CALN1: variants seen among roughly 807,000 people sequenced by gnomAD.
CALN1 encodes the protein calneuron 1, also known as calcium-binding protein 8.
In CALN1, 17 loss-of-function variants were observed where a neutral mutation model predicts 30.6. The observed-to-expected ratio is 0.56, with a 90% CI of 0.38 to 0.83. The LOEUF (loss-of-function observed/expected upper bound fraction) is 0.83, where lower values mean the gene tolerates loss of function less well. Ranked by LOEUF, CALN1 falls within the 40% of genes least tolerant of loss-of-function variation. CALN1 has a pLI of 0.00. For missense variants in CALN1, 291 were observed against 354.9 expected, an observed-to-expected ratio of 0.82 and a Z score of 1.45; for synonymous variants, 156 against 131.4, an observed-to-expected ratio of 1.19 and a Z score of -1.28.
chr7:72,388,991 G>A (rs931847952), intron 2 of CALN1, among the ~76,000 whole-genome samples: 14 of 152,158 alleles, frequency 9.2e-5, no homozygotes, highest in Non-Finnish European at 1.3e-4. Flanking sequence ...TGGACCAGCA[G>A]GCCACGTCCA....
intron 6 of CALN1, among the ~76,000 whole-genome samples, chr7:71,795,068 G>A (rs2115954639): frequency 6.6e-6 from 1 of 151,934 alleles, no homozygotes; most frequent in Non-Finnish European, 1.5e-5. Flanking sequence ...CTGTTGCCAG[G>A]CTGGAGTGCA....
chr7:72,167,638 C>A (rs368423514), intron 3 of CALN1, among the ~76,000 whole-genome samples: 41 of 152,318 alleles, frequency 2.7e-4, no homozygotes, highest in African/African-American at 8.9e-4. Context: ...AGCCACCGTG[C>A]GCAGCTACAT....
intron 2 of CALN1, among the ~76,000 whole-genome samples, chr7:72,361,195 C>T (rs1803547434): frequency 6.6e-6 from 1 of 152,024 alleles, no homozygotes; most frequent in African/African-American, 2.4e-5. Context: ...TCCAAATATC[C>T]CCAACTCTCC....
chr7:71,894,260 A>C (rs570405560), intron 5 of CALN1, among the ~76,000 whole-genome samples: 3 of 152,218 alleles, frequency 2.0e-5, no homozygotes, highest in South Asian at 4.2e-4. Context: ...CTGTGTTTTA[A>C]TATCCCATTG....
chr7:72,310,838 G>A (rs1166339095), intron 2 of CALN1, among the ~76,000 whole-genome samples: 1 of 149,858 alleles, frequency 6.7e-6, no homozygotes, highest in East Asian at 2.0e-4. Flanking sequence ...GGGAGGTGGA[G>A]GTTGCAGTGA....
intron 5 of CALN1, among the ~76,000 whole-genome samples, chr7:71,944,364 G>A (rs1485617061): frequency 1.3e-5 from 2 of 152,122 alleles, no homozygotes; most frequent in African/African-American, 2.4e-5. Context: ...GGAGGCTGAG[G>A]TGGGTGGATC....
chr7:72,120,619 G>A (rs1808310199), intron 3 of CALN1, among the ~76,000 whole-genome samples: 2 of 152,090 alleles, frequency 1.3e-5, no homozygotes. Context: ...ACATTGCCAA[G>A]TTGCCCTCAA....
chr7:72,482,588 T>C, the CALN1 span, among the ~76,000 whole-genome samples: 671 of 152,274 alleles, frequency 4.4e-3, 4 homozygotes, highest in African/African-American at 0.014. Context: ...AATGATACTA[T>C]ACCACTTGAC....
At chr7:71,991,399 C>A (rs1213904084) in intron 5 of CALN1, among the ~76,000 whole-genome samples, 1 of 151,342 alleles carries the variant, frequency 6.6e-6, no homozygotes, top group Non-Finnish European at 1.5e-5. Flanking sequence ...GCAGAGCTTT[C>A]GATGAGCTAA....
chr7:71,865,992 A>C (rs1373779559), intron 5 of CALN1, among the ~76,000 whole-genome samples: 1 of 152,058 alleles, frequency 6.6e-6, no homozygotes, highest in Non-Finnish European at 1.5e-5. Context: ...AAAATTGTTA[A>C]ATACAAGGCA....
intron 3 of CALN1, among the ~76,000 whole-genome samples, chr7:72,229,781 G>A (rs1344850861): frequency 1.3e-5 from 2 of 151,916 alleles, no homozygotes; most frequent in Admixed American, 1.3e-4. Context: ...GGGGCCTGTC[G>A]GAGGGTGGGG....
intron 5 of CALN1, among the ~76,000 whole-genome samples, chr7:71,866,099 G>A (rs1172427532): frequency 2.6e-5 from 4 of 151,792 alleles, no homozygotes; most frequent in Admixed American, 6.6e-5. Context: ...TCTGCCTCCC[G>A]GGTTCATGCC....
chr7:72,387,202 GAGGGAGGGAAGGA>G (rs1805260951), intron 2 of CALN1, among the ~76,000 whole-genome samples: 2 of 125,586 alleles, frequency 1.6e-5, no homozygotes, highest in Non-Finnish European at 3.4e-5. Context: ...GGGAGGGAGG[GAGGGAGGGAAGGA>G]AGGAAGGGAA....
chr7:72,171,953 T>C (rs1241026737), intron 3 of CALN1, among the ~76,000 whole-genome samples: 7 of 152,192 alleles, frequency 4.6e-5, no homozygotes, highest in Non-Finnish European at 1.0e-4. Flanking sequence ...TCACAGGTCA[T>C]GTAGCGATCA....
rs1185038160 is a variant in CALN1 at position 72,072,589 on chromosome 7, AT to A, written c.388+33561del. Among the ~76,000 whole-genome samples the A allele has an allele frequency of 5.3e-5, 8 of 152,356 alleles. No individual in the cohort carries two copies. In the South Asian group the frequency reaches 1.7e-3, roughly 32 times the overall value. Reference sequence around the variant, plus strand: ...ATGAAGAAATAAAGATCACAAAAAAATGGTGCAATTATGTGGGCAATTATAA... The same window carrying A: ...ATGAAGAAATAAAGATCACAAAAAAAGGTGCAATTATGTGGGCAATTATAA... On this transcript the variant is annotated intron_variant, in intron 4 of 6. Transcript: ENST00000395275.
chr7:72,471,524 C>T, the CALN1 span, among the ~76,000 whole-genome samples: 1 of 152,232 alleles, frequency 6.6e-6, no homozygotes, highest in African/African-American at 2.4e-5. Context: ...CTCTGCACCA[C>T]CCTCACCAAA....
At chr7:72,317,259 G>A (rs1422073462) in intron 2 of CALN1, among the ~76,000 whole-genome samples, 1 of 143,866 alleles carries the variant, frequency 7.0e-6, no homozygotes, top group East Asian at 2.2e-4. Flanking sequence ...AGAGAAGGGG[G>A]GGACGGAGGG....
intron 3 of CALN1, among the ~76,000 whole-genome samples, chr7:72,197,541 T>C (rs1021615241): frequency 1.3e-5 from 2 of 152,104 alleles, no homozygotes; most frequent in East Asian, 1.9e-4. Context: ...GGCCGAAGAA[T>C]GTGGCCTGGC....
At chr7:71,796,138 T>C (rs1052250891) in intron 6 of CALN1, among the ~76,000 whole-genome samples, 4 of 152,042 alleles carry the variant, frequency 2.6e-5, no homozygotes, top group African/African-American at 7.2e-5. Context: ...TCATTCCTTT[T>C]TATGACCGGA....
Sources: allele counts gnomAD v4.1 joint callset (sites outside exome capture counted in the v4.1 genomes callset), GRCh38; gene constraint gnomAD v4.1.1; transcripts MANE v1.5; gene names NCBI Gene and HGNC (gene_info 2026-07-23, HGNC 2026-07-21).